The following CWF19L2 variants were observed in gnomAD, a reference collection of about 807,000 sequenced individuals.
The protein encoded by CWF19L2 is CWF19 like cell cycle control factor 2, also known as CWF19-like protein 2.
In CWF19L2, 98 loss-of-function variants were observed where a neutral mutation model predicts 111.7. The ratio of observed to expected loss-of-function variants is 0.88; its 90% CI spans 0.75 to 1.04. The LOEUF is 1.04. CWF19L2 is among the 50% of genes least tolerant of loss of function. CWF19L2 has a pLI of 0.00. For synonymous variants in CWF19L2, 351 were observed against 342.9 expected, an observed-to-expected ratio of 1.02 and a Z score of -0.26; for missense variants, 1,101 against 1,051.4, an observed-to-expected ratio of 1.05 and a Z score of -0.65.
intron 6 of CWF19L2, among the ~76,000 whole-genome samples, chr11:107,436,107 T>C (rs1255036990): frequency 2.6e-5 from 4 of 151,122 alleles, no homozygotes; most frequent in South Asian, 2.1e-4. Context: ...TGAGCCGAGA[T>C]TGCACCACTG....
At chr11:107,440,061 C>T (rs965018478) in intron 5 of CWF19L2, among the ~76,000 whole-genome samples, 4 of 152,092 alleles carry the variant, frequency 2.6e-5, no homozygotes, top group African/African-American at 7.2e-5. Flanking sequence ...TAATGTGTGA[C>T]GCGGCCATGG....
chr11:107,333,088 T>TAAA (rs11212169), intron 16 of CWF19L2, among the ~76,000 whole-genome samples: 1 of 146,372 alleles, frequency 6.8e-6, no homozygotes. Flanking sequence ...AGACTCTGTC[T>TAAA]AAAAAAAAAA....
intron 5 of CWF19L2, among the ~76,000 whole-genome samples, chr11:107,439,615 G>C (rs1277704191): frequency 6.6e-6 from 1 of 152,092 alleles, no homozygotes; most frequent in South Asian, 2.1e-4. Context: ...TAAATTAACC[G>C]CATTTTCTTT....
chr11:107,381,951 T>C (rs1168481229), intron 12 of CWF19L2, among the ~76,000 whole-genome samples: 3 of 152,130 alleles, frequency 2.0e-5, no homozygotes, highest in African/African-American at 7.2e-5. Context: ...TTCTCTCCCT[T>C]ATCATTCCCC....
chr11:107,420,359 G>C (rs1210749833), intron 8 of CWF19L2, among the ~76,000 whole-genome samples: 3 of 152,042 alleles, frequency 2.0e-5, no homozygotes, highest in Non-Finnish European at 2.9e-5. Flanking sequence ...AAAGAAAGTT[G>C]AAGTGGCTAC....
chr11:107,392,802 CT>C lies in CWF19L2; in HGVS notation c.1710del (p.Gly571GlufsTer27). The C allele has an allele frequency of 6.3e-7, 1 of 1,592,102 alleles. No individual in the cohort carries two copies. Among genetic ancestry groups the C allele is most frequent in the Non-Finnish European group, 8.5e-7 (1 of 1,169,756 alleles). Reference protein sequence around the residue: ...VNTPGKSLESQGGRRKRQMVS... With the variant: ...VNTPGKSLESXGGRRKRQMVS... ...ACCATCTGTCTCTTTCTTCTTCCTC[CT>C]TGTGATTCCAGAGATTTTCCGGGTG... On this transcript the variant is annotated frameshift_variant, in exon 11 of 18. Transcript: ENST00000282251. LOFTEE classifies it high-confidence loss of function.
intron 10 of CWF19L2, among the ~76,000 whole-genome samples, chr11:107,402,231 T>A (rs900545899): frequency 6.6e-6 from 1 of 152,000 alleles, no homozygotes; most frequent in Non-Finnish European, 1.5e-5. Context: ...GAAAAATAGC[T>A]GGGACCTATT....
At chr11:107,399,838 T>C (rs1860975330) in intron 10 of CWF19L2, among the ~76,000 whole-genome samples, 1 of 152,088 alleles carries the variant, frequency 6.6e-6, no homozygotes, top group South Asian at 2.1e-4. Flanking sequence ...CCTAGATAAA[T>C]TTAAGAAAAT....
intron 8 of CWF19L2, among the ~76,000 whole-genome samples, chr11:107,424,790 T>C (rs1363688939): frequency 6.6e-6 from 1 of 151,922 alleles, no homozygotes; most frequent in African/African-American, 2.4e-5. Context: ...ATTCTGAACA[T>C]CTTTTATAGT....
chr11:107,430,337 C>A (rs1327172330), intron 7 of CWF19L2, among the ~76,000 whole-genome samples: 1 of 151,672 alleles, frequency 6.6e-6, no homozygotes, highest in Non-Finnish European at 1.5e-5. Flanking sequence ...AGCTGTTCAT[C>A]CATAATAATA....
intron 12 of CWF19L2, among the ~76,000 whole-genome samples, chr11:107,355,499 A>C (rs1860224321): frequency 6.6e-6 from 1 of 152,170 alleles, no homozygotes; most frequent in Non-Finnish European, 1.5e-5. Flanking sequence ...AAGCAATAAA[A>C]AGATGCTTGG....
At chr11:107,402,671 G>A (rs905455633) in intron 10 of CWF19L2, among the ~76,000 whole-genome samples, 2 of 151,858 alleles carry the variant, frequency 1.3e-5, no homozygotes, top group Non-Finnish European at 1.5e-5. Flanking sequence ...AAACAGTGTG[G>A]AGATTCCTTA....
intron 14 of CWF19L2, 84 bp downstream of exon 14, chr11:107,348,853 G>T (rs1860117371): frequency 1.5e-6 from 1 of 682,760 alleles, no homozygotes; most frequent in Non-Finnish European, 2.5e-6. Flanking sequence ...ATTAAATGAA[G>T]TTATACCTAT....
At chr11:107,397,188 A>C (rs896136040) in intron 10 of CWF19L2, among the ~76,000 whole-genome samples, 6 of 152,180 alleles carry the variant, frequency 3.9e-5, no homozygotes, top group African/African-American at 1.4e-4. Context: ...GGGAGGGCAC[A>C]AATCCTGCGT....
chr11:107,429,671 T>C (rs1484960140), intron 7 of CWF19L2, among the ~76,000 whole-genome samples: 1 of 152,180 alleles, frequency 6.6e-6, no homozygotes, highest in Middle Eastern at 3.4e-3. Context: ...TCCAAAAGGA[T>C]AGCCAGTTAC....
intron 10 of CWF19L2, among the ~76,000 whole-genome samples, chr11:107,407,577 G>A (rs948469430): frequency 2.0e-5 from 3 of 151,940 alleles, no homozygotes; most frequent in African/African-American, 7.3e-5. Flanking sequence ...AGTAGAGTTA[G>A]TGAGAAAAAA....
intron 12 of CWF19L2, among the ~76,000 whole-genome samples, chr11:107,371,642 A>C (rs1860512641): frequency 7.3e-6 from 1 of 137,852 alleles, no homozygotes. Flanking sequence ...TGAAATTTAA[A>C]AATATTTATA....
At position 107,348,930 on chromosome 11, in the gene CWF19L2, T is replaced by A; in HGVS notation, c.2202+7A>T. 1 of 1,517,626 alleles carries A rather than the reference T, an allele frequency of 6.6e-7. No homozygotes were observed. Among genetic ancestry groups the A allele is most frequent in the Non-Finnish European group, 9.1e-7 (1 of 1,104,034 alleles). 94.0% of individuals were successfully genotyped at this position (1,517,626 alleles called of 1,614,324 possible). A position where few individuals can be genotyped will look rare whatever the true frequency, so the allele number is the denominator to read the frequency against. On this transcript the variant is annotated splice_region_variant and intron_variant, in intron 14 of 17. Transcript: ENST00000282251. ...TTAAAATGATAATGAACATTTATTATGCTGACCTGGATCTCCTCCCAGATG... is the reference window on the plus strand; with the variant it reads ...TTAAAATGATAATGAACATTTATTAAGCTGACCTGGATCTCCTCCCAGATG...
chr11:107,363,007 C>T (rs1409388107), intron 12 of CWF19L2, among the ~76,000 whole-genome samples: 6 of 151,896 alleles, frequency 4.0e-5, no homozygotes, highest in African/African-American at 9.7e-5. Flanking sequence ...AACCAAGGCT[C>T]GAGAACTACG....
Sources: gnomAD v4.1 joint callset for allele counts (sites outside exome capture counted in the v4.1 genomes callset) on GRCh38, gnomAD v4.1.1 for gene constraint, MANE v1.5 for transcripts, NCBI Gene and HGNC (gene_info 2026-07-23, HGNC 2026-07-21) for gene names.